The following LRRC37A2 variants were observed in gnomAD, a reference collection of about 807,000 sequenced individuals.
The protein encoded by LRRC37A2 is leucine-rich repeat-containing protein 37A2.
In LRRC37A2, 9 loss-of-function variants were observed where a neutral mutation model predicts 68.8. The ratio of observed to expected loss-of-function variants is 0.13; its 90% CI spans 0.08 to 0.23. The LOEUF is 0.23. LRRC37A2 is among the 10% of genes least tolerant of loss of function. The pLI is 1.00. For synonymous variants in LRRC37A2, 63 were observed against 367.6 expected (o/e 0.17, Z 9.48); for missense variants, 168 against 950.4 (o/e 0.18, Z 10.82).
chr17:46,952,974 C>G, the LRRC37A2 span: 9 of 152,116 alleles, frequency 5.9e-5, no homozygotes, highest in African/African-American at 1.9e-4. Flanking sequence ...AGCTGGCACA[C>G]AATATTCATT....
chr17:46,541,670 G>A (rs1380669329), intron 8 of LRRC37A2, among the ~76,000 whole-genome samples: 17 of 149,740 alleles, frequency 1.1e-4, no homozygotes, highest in African/African-American at 3.0e-4. Flanking sequence ...CCATGGATGG[G>A]GAATATTTGG....
chr17:46,859,095 G>C, the LRRC37A2 span, among the ~76,000 whole-genome samples: 34 of 151,160 alleles, frequency 2.2e-4, no homozygotes, highest in African/African-American at 7.3e-4. Flanking sequence ...TTCTGACTCA[G>C]CCTCCTGAGT....
chr17:46,907,662 C>A, the LRRC37A2 span, among the ~76,000 whole-genome samples: 1 of 138,194 alleles, frequency 7.2e-6, no homozygotes, highest in Non-Finnish European at 1.5e-5. Flanking sequence ...CATAGTGAAA[C>A]CTCCATCTCT....
chr17:46,549,023 C>T, exon 10 of LRRC37A2: 1 of 1,612,348 alleles, frequency 6.2e-7, no homozygotes, highest in Non-Finnish European at 8.5e-7. Context: ...ACGAAGACGT[C>T]TAAACCAATC....
chr17:46,916,120 A>G, the LRRC37A2 span, among the ~76,000 whole-genome samples: 1 of 152,206 alleles, frequency 6.6e-6, no homozygotes, highest in Admixed American at 6.5e-5. Flanking sequence ...CCCCTCTCCA[A>G]GGCTTTGCAA....
the LRRC37A2 span, among the ~76,000 whole-genome samples, chr17:47,032,483 G>T: frequency 2.0e-5 from 3 of 152,250 alleles, no homozygotes; most frequent in African/African-American, 7.2e-5. Flanking sequence ...TAGTTCTCCT[G>T]TAATAGGAGC....
At chr17:46,816,119 A>ACACACACACACGCGCACG in the LRRC37A2 span, among the ~76,000 whole-genome samples, 11 of 150,552 alleles carry the variant, frequency 7.3e-5, no homozygotes, top group African/African-American at 2.2e-4. Flanking sequence ...ACGTACACAC[A>ACACACACACACGCGCACG]CACACACACA....
the LRRC37A2 span, among the ~76,000 whole-genome samples, chr17:47,004,810 G>A: frequency 0.71 from 107,841 of 152,230 alleles, 38,401 homozygotes; most frequent in East Asian, 0.83. Flanking sequence ...GATTATAGGC[G>A]TGAGCCACTG....
the LRRC37A2 span, among the ~76,000 whole-genome samples, chr17:46,838,294 A>G: frequency 0.11 from 16,720 of 151,098 alleles, 1,051 homozygotes; most frequent in Non-Finnish European, 0.14. Context: ...GGGTCAGTGG[A>G]TCAGAAGAGA....
chr17:46,794,564 ACTGTACCACCGTGG>A, the LRRC37A2 span, among the ~76,000 whole-genome samples: 1 of 152,098 alleles, frequency 6.6e-6, no homozygotes, highest in African/African-American at 2.4e-5. Flanking sequence ...TGCAGAACAC[ACTGTACCACCGTGG>A]AGAGGATAAA....
chr17:46,858,656 C>T, the LRRC37A2 span, among the ~76,000 whole-genome samples: 1 of 152,098 alleles, frequency 6.6e-6, no homozygotes, highest in Non-Finnish European at 1.5e-5. Flanking sequence ...CTCACCTGAT[C>T]CTCAGGGCCA....
At chr17:46,773,771 C>T in the LRRC37A2 span, 1 of 1,613,408 alleles carries the variant, frequency 6.2e-7, no homozygotes, top group Admixed American at 1.7e-5. Context: ...TGCCCAGCTT[C>T]ACGCCCTCGG....
chr17:46,996,220 G>A, the LRRC37A2 span, among the ~76,000 whole-genome samples: 12,487 of 152,184 alleles, frequency 0.082, 590 homozygotes, highest in Middle Eastern at 0.11. Context: ...CAGGAACAAC[G>A]GCTCCTTCAT....
the LRRC37A2 span, among the ~76,000 whole-genome samples, chr17:46,498,778 A>G: frequency 1.3e-5 from 2 of 148,738 alleles, no homozygotes; most frequent in Admixed American, 1.3e-4. Context: ...GGGAAAATTT[A>G]AAAATGCAAA....
the LRRC37A2 span, chr17:46,939,013 C>T: frequency 6.8e-6 from 9 of 1,330,262 alleles, no homozygotes; most frequent in East Asian, 1.4e-4. Context: ...CTCTCACTCT[C>T]GCTCTCACTG....
chr17:46,461,218 T>C, the LRRC37A2 span, among the ~76,000 whole-genome samples: 1 of 83,128 alleles, frequency 1.2e-5, no homozygotes, highest in African/African-American at 4.6e-5. Context: ...AATGGATGAA[T>C]GATCATAGAA....
At chr17:46,959,848 C>A in the LRRC37A2 span, among the ~76,000 whole-genome samples, 315 of 152,336 alleles carry the variant, frequency 2.1e-3, no homozygotes, top group Non-Finnish European at 3.8e-3. Flanking sequence ...ACCACTGGAG[C>A]TGACTTTCTT....
chr17:46,794,049 T>G, the LRRC37A2 span, among the ~76,000 whole-genome samples: 1 of 152,022 alleles, frequency 6.6e-6, no homozygotes, highest in Non-Finnish European at 1.5e-5. Flanking sequence ...CGGTGAAATC[T>G]AACAGGCATG....
At chr17:46,959,717 C>G in the LRRC37A2 span, among the ~76,000 whole-genome samples, 2 of 152,132 alleles carry the variant, frequency 1.3e-5, no homozygotes, top group African/African-American at 4.8e-5. Flanking sequence ...CATTTTTTTC[C>G]TATTCTGGGC....
Sources: gnomAD v4.1 joint callset for allele counts (sites outside exome capture counted in the v4.1 genomes callset) on GRCh38, gnomAD v4.1.1 for gene constraint, MANE v1.5 for transcripts, NCBI Gene and HGNC (gene_info 2026-07-23, HGNC 2026-07-21) for gene names.